Variants in LINGO2 observed in about 807,000 individuals in gnomAD.
The protein encoded by LINGO2 is leucine rich repeat and Ig domain containing 2.
Under a neutral mutation model 30.6 loss-of-function variants are expected in LINGO2, and 14 were observed. The observed-to-expected ratio is 0.46, with a 90% CI of 0.30 to 0.72. LINGO2 has a LOEUF of 0.72. Among genes scored for constraint, LINGO2 ranks in the 30% least tolerant of loss-of-function variants. The pLI, the probability that LINGO2 is intolerant of heterozygous loss-of-function variation, is 0.07. For synonymous variants in LINGO2, 317 were observed against 288.5 expected, an observed-to-expected ratio of 1.10 and a Z score of -1.00; for missense variants, 729 against 751.7, an observed-to-expected ratio of 0.97 and a Z score of 0.35.
intron 4 of LINGO2, among the ~76,000 whole-genome samples, chr9:28,280,218 G>A (rs916480651): frequency 6.6e-6 from 1 of 152,132 alleles, no homozygotes; most frequent in Admixed American, 6.6e-5. Context: ...AAATTTTTGA[G>A]AGAGCTAATA....
At chr9:28,740,501 T>C in the LINGO2 span, among the ~76,000 whole-genome samples, 2 of 151,916 alleles carry the variant, frequency 1.3e-5, no homozygotes, top group Admixed American at 6.6e-5. Flanking sequence ...TATACAAACA[T>C]ACATCTTTAA....
At chr9:28,821,982 T>C in the LINGO2 span, among the ~76,000 whole-genome samples, 1 of 152,114 alleles carries the variant, frequency 6.6e-6, no homozygotes, top group African/African-American at 2.4e-5. Flanking sequence ...ATACTGTCTC[T>C]TCTAAAATCA....
At chr9:27,943,197 A>C (rs1823233180), downstream of LINGO2, 1 of 152,172 alleles carries the variant, frequency 6.6e-6, no homozygotes, top group African/African-American at 2.4e-5. Flanking sequence ...CAACAACATA[A>C]AGTTAACATG....
At chr9:29,059,677 G>A in the LINGO2 span, among the ~76,000 whole-genome samples, 3 of 151,938 alleles carry the variant, frequency 2.0e-5, no homozygotes, top group Non-Finnish European at 2.9e-5. Flanking sequence ...GAAAATTAAA[G>A]ATGCGTTAAC....
Position 27,950,723 on chromosome 9 carries a change from C to A in LINGO2, c.-35-17G>T, listed in dbSNP as rs1425714665. Reference sequence around the variant, plus strand: ...GTCACGGGTCTGCATGGAAGGGACACAAGAAGGGAGGAAGAGAAGGTGAGT... The same window carrying A: ...GTCACGGGTCTGCATGGAAGGGACAAAAGAAGGGAGGAAGAGAAGGTGAGT... On this transcript the variant is annotated splice_polypyrimidine_tract_variant and intron_variant, in intron 5 of 5. Coordinates refer to ENST00000379992, the Ensembl canonical transcript of LINGO2. The A allele has an allele frequency of 3.6e-6, 5 of 1,399,688 alleles. No homozygotes were observed. The highest frequency in any genetic ancestry group is 3.8e-6 in the Non-Finnish European group (4 of 1,059,384). 86.7% of individuals were successfully genotyped at this position (1,399,688 alleles called of 1,614,324 possible). A position where few individuals can be genotyped will look rare whatever the true frequency, so the allele number is the denominator to read the frequency against.
chr9:28,712,563 C>A, the LINGO2 span, among the ~76,000 whole-genome samples: 1 of 150,870 alleles, frequency 6.6e-6, no homozygotes, highest in Non-Finnish European at 1.5e-5. Context: ...TTCCTTTACC[C>A]CATTTGTAAA....
At chr9:28,918,956 T>C in the LINGO2 span, among the ~76,000 whole-genome samples, 2 of 152,164 alleles carry the variant, frequency 1.3e-5, no homozygotes, top group African/African-American at 4.8e-5. Context: ...GCCCCAAACA[T>C]CTATTTAAAG....
intron 4 of LINGO2, among the ~76,000 whole-genome samples, chr9:28,182,122 A>G (rs1819366357): frequency 6.6e-6 from 1 of 152,174 alleles, no homozygotes; most frequent in Non-Finnish European, 1.5e-5. Flanking sequence ...AGACATATAG[A>G]CCAATGGAAC....
intron 3 of LINGO2, among the ~76,000 whole-genome samples, chr9:28,362,206 G>T (rs1163841865): frequency 9.7e-6 from 1 of 103,100 alleles, no homozygotes; most frequent in Non-Finnish European, 2.0e-5. Context: ...GGTGTAAATT[G>T]TGTGTGTATG....
the LINGO2 span, among the ~76,000 whole-genome samples, chr9:28,908,990 G>A: frequency 6.6e-6 from 1 of 151,836 alleles, no homozygotes; most frequent in Non-Finnish European, 1.5e-5. Flanking sequence ...TCCAATTTGG[G>A]TTGCTTTCCT....
chr9:28,962,160 T>C, the LINGO2 span, among the ~76,000 whole-genome samples: 1 of 152,126 alleles, frequency 6.6e-6, no homozygotes, highest in African/African-American at 2.4e-5. Context: ...TTTTTTAAAG[T>C]CTATTTCCTA....
intron 1 of LINGO2, among the ~76,000 whole-genome samples, chr9:28,514,681 A>G (rs984567959): frequency 6.6e-6 from 1 of 152,124 alleles, no homozygotes; most frequent in Non-Finnish European, 1.5e-5. Flanking sequence ...TCAGCCATCT[A>G]TGTAACGTAA....
At chr9:28,654,640 A>G (rs1196923583) in intron 1 of LINGO2, among the ~76,000 whole-genome samples, 1 of 152,054 alleles carries the variant, frequency 6.6e-6, no homozygotes, top group Non-Finnish European at 1.5e-5. Context: ...GAGATTTTAC[A>G]CTACCATAGA....
At chr9:28,849,995 G>A in the LINGO2 span, among the ~76,000 whole-genome samples, 1 of 151,946 alleles carries the variant, frequency 6.6e-6, no homozygotes, top group Admixed American at 6.6e-5. Context: ...CTAAGCCCAT[G>A]GTCTTAATTT....
chr9:28,469,920 A>G (rs117628542), intron 2 of LINGO2, among the ~76,000 whole-genome samples: 2,368 of 152,306 alleles, frequency 0.016, 35 homozygotes, highest in South Asian at 0.052. Context: ...AGGGACAAAC[A>G]GAAATAAGAG....
chr9:28,703,252 G>T, the LINGO2 span, among the ~76,000 whole-genome samples: 1 of 151,294 alleles, frequency 6.6e-6, no homozygotes. Context: ...AACTATATTT[G>T]AAATGCTATA....
At chr9:28,074,252 G>A (rs1277874427) in intron 4 of LINGO2, among the ~76,000 whole-genome samples, 1 of 152,142 alleles carries the variant, frequency 6.6e-6, no homozygotes, top group Non-Finnish European at 1.5e-5. Flanking sequence ...TAAAAATTGT[G>A]CACCCTAAAA....
chr9:28,547,789 G>C (rs1432487506), intron 1 of LINGO2, among the ~76,000 whole-genome samples: 1 of 152,052 alleles, frequency 6.6e-6, no homozygotes, highest in Non-Finnish European at 1.5e-5. Context: ...AATGACAAAA[G>C]GCTGAACATA....
the LINGO2 span, among the ~76,000 whole-genome samples, chr9:28,920,240 G>A: frequency 2.0e-5 from 3 of 151,874 alleles, no homozygotes; most frequent in African/African-American, 7.3e-5. Flanking sequence ...ATGAAGTCTG[G>A]TACCAATAAA....
Sources: allele counts gnomAD v4.1 joint callset (sites outside exome capture counted in the v4.1 genomes callset), GRCh38; gene constraint gnomAD v4.1.1; transcripts MANE v1.5; gene names NCBI Gene and HGNC (gene_info 2026-07-23, HGNC 2026-07-21).